The following CASK variants were observed in gnomAD, a reference collection of about 807,000 sequenced individuals.
CASK encodes peripheral plasma membrane protein CASK.
Under a neutral mutation model 82.9 loss-of-function variants are expected in CASK, and 4 were observed. That is an observed-to-expected ratio of 0.05 (90% CI 0.02 to 0.11). The LOEUF (loss-of-function observed/expected upper bound fraction) is 0.11. CASK is among the 10% of genes least tolerant of loss of function. CASK has a pLI of 1.00. For synonymous variants in CASK, 259 were observed against 253.5 expected, an observed-to-expected ratio of 1.02 and a Z score of -0.20; for missense variants, 358 against 720.9, an observed-to-expected ratio of 0.50 and a Z score of 5.76.
chrX:41,802,722 G>GT (rs1329148828), intron 2 of CASK, among the ~76,000 whole-genome samples: 3 of 111,183 alleles, frequency 2.7e-5, no homozygotes, highest in Admixed American at 9.6e-5. Context: ...CTCAATAACT[G>GT]TAAGGGCAGG....
chrX:41,684,276 C>T (rs1359507828), intron 5 of CASK, among the ~76,000 whole-genome samples: 3 of 111,491 alleles, frequency 2.7e-5, no homozygotes, highest in Admixed American at 1.9e-4. Flanking sequence ...AACACTGCTT[C>T]TAATGGGACT....
chrX:41,663,248 C>A lies in CASK; in HGVS notation c.708+2029G>T, dbSNP rs762460613. 9.0e-5 allele frequency among the ~76,000 whole-genome samples: 10 copies of A among 111,663 alleles called. No individual in the cohort carries two copies. The South Asian group carries it at 3.7e-3, about 42-fold the overall frequency. The stretch of plus-strand genomic sequence containing the variant: ...AATAAATGCTGACAGAATCATATGA[C>A]AGTATACTAAAAGAAAAAGGCCGAG... On this transcript the variant is annotated intron_variant, in intron 7 of 26. Coordinates refer to ENST00000378163, the MANE Select transcript of CASK (RefSeq NM_001367721.1).
chrX:41,545,574 G>A (rs769338595), intron 21 of CASK, among the ~76,000 whole-genome samples: 1 of 111,841 alleles, frequency 8.9e-6, no homozygotes, highest in African/African-American at 3.2e-5. Flanking sequence ...TTTATAATAA[G>A]TCTTGGTATC....
At chrX:41,672,089 C>G (rs1003403331) in intron 5 of CASK, among the ~76,000 whole-genome samples, 2 of 110,146 alleles carry the variant, frequency 1.8e-5, no homozygotes, top group Non-Finnish European at 3.8e-5. Context: ...TTTAATTAAG[C>G]CTTGTTCCCA....
At chrX:41,706,203 T>G (rs2067883173) in intron 5 of CASK, among the ~76,000 whole-genome samples, 1 of 111,597 alleles carries the variant, frequency 9.0e-6, no homozygotes, top group African/African-American at 3.3e-5. Context: ...CTAGTGAAAC[T>G]TGAAAAACAC....
intron 16 of CASK, among the ~76,000 whole-genome samples, chrX:41,568,177 A>G (rs1238738021): frequency 9.2e-6 from 1 of 109,268 alleles, no homozygotes; most frequent in Non-Finnish European, 1.9e-5. Flanking sequence ...AACATGGCAC[A>G]TGTATACCTA....
intron 9 of CASK, among the ~76,000 whole-genome samples, chrX:41,628,133 A>G (rs950087967): frequency 8.9e-6 from 1 of 112,657 alleles, no homozygotes; most frequent in Non-Finnish European, 1.9e-5. Flanking sequence ...TAACTCTACT[A>G]ATAAAGATCT....
intron 1 of CASK, among the ~76,000 whole-genome samples, chrX:41,918,137 C>T (rs1178510397): frequency 1.8e-5 from 2 of 111,921 alleles, no homozygotes; most frequent in African/African-American, 6.5e-5. Context: ...ACTAGTTTAC[C>T]TACAAAGTCT....
At chrX:41,863,995 A>C (rs2071542158) in intron 1 of CASK, among the ~76,000 whole-genome samples, 1 of 110,976 alleles carries the variant, frequency 9.0e-6, no homozygotes, top group Non-Finnish European at 1.9e-5. Context: ...ATTAATCACA[A>C]CTCTGCAGCT....
At chrX:41,604,750 A>G (rs1347837926) in intron 12 of CASK, among the ~76,000 whole-genome samples, 2 of 112,338 alleles carry the variant, frequency 1.8e-5, no homozygotes, top group Non-Finnish European at 3.8e-5. Flanking sequence ...GCATACTGCA[A>G]CAAGCTGGAC....
At chrX:41,804,635 T>C (rs1195048604) in intron 2 of CASK, among the ~76,000 whole-genome samples, 1 of 111,728 alleles carries the variant, frequency 9.0e-6, no homozygotes, top group Non-Finnish European at 1.9e-5. Flanking sequence ...AGGGACATGC[T>C]TGCTTTGTAA....
intron 11 of CASK, among the ~76,000 whole-genome samples, chrX:41,615,441 C>T (rs2066177752): frequency 1.8e-5 from 2 of 111,603 alleles, no homozygotes; most frequent in African/African-American, 3.3e-5. Context: ...CCCAGCATGT[C>T]ATCAACAACA....
At chrX:41,627,036 T>C (rs977979259) in intron 9 of CASK, among the ~76,000 whole-genome samples, 11 of 112,268 alleles carry the variant, frequency 9.8e-5, no homozygotes, top group African/African-American at 3.6e-4. Context: ...CTGTGATTAA[T>C]TACATGAAAA....
chrX:41,523,250 T>C (rs1043446273), intron 26 of CASK, among the ~76,000 whole-genome samples: 1 of 112,123 alleles, frequency 8.9e-6, no homozygotes, highest in Non-Finnish European at 1.9e-5. Flanking sequence ...ATGAGTAACA[T>C]AGGTAAATCA....
At chrX:41,606,023 A>G (rs5918211) in intron 12 of CASK, among the ~76,000 whole-genome samples, 4,366 of 111,710 alleles carry the variant, frequency 0.039, 104 homozygotes, top group Non-Finnish European at 0.058. Context: ...AGTTCGTCAT[A>G]GCCATTTTTC....
chrX:41,660,980 G>C (rs2067022978), intron 7 of CASK, among the ~76,000 whole-genome samples: 2 of 111,722 alleles, frequency 1.8e-5, no homozygotes, highest in African/African-American at 6.5e-5. Context: ...TGTGAACTGT[G>C]CAAAGTTTTT....
chrX:41,859,416 G>A (rs1040985739), intron 1 of CASK, among the ~76,000 whole-genome samples: 6 of 111,555 alleles, frequency 5.4e-5, no homozygotes, highest in Admixed American at 9.5e-5. Context: ...ACTTTCAGTC[G>A]TTTACAGGCA....
chrX:41,549,323 G>T (rs1490857787), intron 21 of CASK, among the ~76,000 whole-genome samples: 1 of 111,343 alleles, frequency 9.0e-6, no homozygotes, highest in Non-Finnish European at 1.9e-5. Flanking sequence ...CTTCTGCCAG[G>T]AATAGCTTCC....
At chrX:41,568,672 C>T (rs1168055695) in intron 16 of CASK, among the ~76,000 whole-genome samples, 2 of 111,882 alleles carry the variant, frequency 1.8e-5, no homozygotes, top group Non-Finnish European at 3.8e-5. Flanking sequence ...CCCTGCCCAT[C>T]CTTGAGAGTT....
Sources: gnomAD v4.1 joint callset for allele counts (sites outside exome capture counted in the v4.1 genomes callset) on GRCh38, gnomAD v4.1.1 for gene constraint, MANE v1.5 for transcripts, NCBI Gene and HGNC (gene_info 2026-07-23, HGNC 2026-07-21) for gene names.